The following TMEM163 variants were observed in gnomAD, a reference collection of about 807,000 sequenced individuals.
TMEM163 encodes the protein transmembrane protein 163.
A neutral mutation model predicts 29.3 loss-of-function variants in TMEM163; 17 were observed. The observed-to-expected ratio is 0.58, with a 90% CI of 0.40 to 0.87. The LOEUF (loss-of-function observed/expected upper bound fraction) is 0.87, where lower values mean the gene tolerates loss of function less well. Among genes scored for constraint, TMEM163 ranks in the 40% least tolerant of loss-of-function variants. The pLI, the probability that TMEM163 is intolerant of heterozygous loss-of-function variation, is 0.00. For missense variants in TMEM163, 303 were observed against 381.5 expected (o/e 0.79, Z 1.71); for synonymous variants, 157 against 160.6 (o/e 0.98, Z 0.17).
At chr2:134,685,216 A>C (rs895584146) in intron 2 of TMEM163, among the ~76,000 whole-genome samples, 3 of 152,236 alleles carry the variant, frequency 2.0e-5, no homozygotes, top group Admixed American at 6.5e-5. Context: ...CATCTTAAAG[A>C]TGTCTGACCC....
In TMEM163 at chr2:134,678,065, G is replaced by A. The variant is rs12624080; in HGVS notation, c.322+35135C>T. Among the ~76,000 whole-genome samples, 36 of 152,322 alleles carry A rather than the reference G, an allele frequency of 2.4e-4. No individual in the cohort carries two copies. In the East Asian group the frequency reaches 6.8e-3, roughly 29 times the overall value. On this transcript the variant is annotated intron_variant, in intron 2 of 7. Coordinates refer to ENST00000281924, the MANE Select transcript of TMEM163 (RefSeq NM_030923.5). Reference sequence around the variant, plus strand: ...TTGTCCTGGTTTCTTTCCGGTCTCAGGGAAGCAGATCGACCCTAGCTAATT... The same window carrying A: ...TTGTCCTGGTTTCTTTCCGGTCTCAAGGAAGCAGATCGACCCTAGCTAATT...
chr2:134,606,436 A>G (rs1185822354), intron 2 of TMEM163, among the ~76,000 whole-genome samples: 2 of 152,116 alleles, frequency 1.3e-5, no homozygotes, highest in African/African-American at 4.8e-5. Flanking sequence ...CCACAATCAA[A>G]GTCAAGGGCA....
chr2:134,564,321 T>C (rs1681245724), intron 2 of TMEM163, among the ~76,000 whole-genome samples: 1 of 152,170 alleles, frequency 6.6e-6, no homozygotes, highest in African/African-American at 2.4e-5. Flanking sequence ...ACTGGGCCAG[T>C]TGGACATCCA....
At chr2:134,649,188 T>A (rs989138057) in intron 2 of TMEM163, among the ~76,000 whole-genome samples, 1 of 152,162 alleles carries the variant, frequency 6.6e-6, no homozygotes, top group Non-Finnish European at 1.5e-5. Flanking sequence ...TATATAAAAT[T>A]ATCAAACTCA....
intron 5 of TMEM163, among the ~76,000 whole-genome samples, chr2:134,481,137 T>C (rs1687044204): frequency 6.6e-6 from 1 of 152,340 alleles, no homozygotes; most frequent in African/African-American, 2.4e-5. Flanking sequence ...ATCATGTTTT[T>C]GAGATTCATC....
chr2:134,661,263 T>G (rs1185882859), intron 2 of TMEM163, among the ~76,000 whole-genome samples: 3 of 152,196 alleles, frequency 2.0e-5, no homozygotes, highest in African/African-American at 7.2e-5. Flanking sequence ...CAGATGCTGG[T>G]GCCTTGATCT....
chr2:134,594,366 T>C (rs1335634479), intron 2 of TMEM163, among the ~76,000 whole-genome samples: 1 of 152,186 alleles, frequency 6.6e-6, no homozygotes, highest in Non-Finnish European at 1.5e-5. Flanking sequence ...ATGTGGACTT[T>C]ACTGTGAGTT....
Position 134,460,178 on chromosome 2 carries a change from G to A in TMEM163, c.668-2005C>T, listed in dbSNP as rs1686503439. On this transcript the variant is annotated intron_variant, in intron 6 of 7. Coordinates refer to ENST00000281924, the MANE Select transcript of TMEM163 (RefSeq NM_030923.5). The surrounding 1 kb of genome is among the most constrained non-coding windows in gnomAD (Gnocchi z 4.3). ...GCCACAGCCAGAGGGACCCTCTGTC[G>A]GTGAGCAGCAGCCAGACTCTCCCGC... Among the ~76,000 whole-genome samples, 1 of 149,282 alleles carries A rather than the reference G, an allele frequency of 6.7e-6. No individual in the cohort carries two copies. The highest frequency in any genetic ancestry group is 2.5e-5 in the African/African-American group (1 of 40,276).
chr2:134,640,808 A>G (rs1415836766), intron 2 of TMEM163, among the ~76,000 whole-genome samples: 2 of 152,236 alleles, frequency 1.3e-5, no homozygotes, highest in Non-Finnish European at 2.9e-5. Flanking sequence ...TAGAAAACTT[A>G]CACATAATAC....
At chr2:134,528,739 G>A (rs1273665715) in intron 4 of TMEM163, among the ~76,000 whole-genome samples, 3 of 142,876 alleles carry the variant, frequency 2.1e-5, no homozygotes, top group Non-Finnish European at 4.7e-5. Context: ...GGACAATTTA[G>A]TAATATGTCT....
At chr2:134,485,925 CCT>C (rs976393708) in intron 5 of TMEM163, among the ~76,000 whole-genome samples, 1 of 152,116 alleles carries the variant, frequency 6.6e-6, no homozygotes, top group Non-Finnish European at 1.5e-5. Context: ...GATACATGCC[CCT>C]CACACTGGGT....
intron 2 of TMEM163, among the ~76,000 whole-genome samples, chr2:134,661,925 C>CTTTTTTTTTTTTTTTTTTTTTTTTTTTT (rs201436466): frequency 1.3e-5 from 1 of 79,068 alleles, no homozygotes; most frequent in Non-Finnish European, 2.5e-5. Context: ...CATTAATTTT[C>CTTTTTTTTTTTTTTTTTTTTTTTTTTTT]TTTCTTTTTT....
intron 2 of TMEM163, among the ~76,000 whole-genome samples, chr2:134,560,195 T>C (rs1681137206): frequency 6.6e-6 from 1 of 152,168 alleles, no homozygotes; most frequent in Admixed American, 6.5e-5. Flanking sequence ...CACCCACCTC[T>C]AAATTTTCTT....
intron 5 of TMEM163, among the ~76,000 whole-genome samples, chr2:134,492,721 G>A (rs1466188909): frequency 6.6e-6 from 1 of 152,144 alleles, no homozygotes; most frequent in Non-Finnish European, 1.5e-5. Context: ...CTGTGTGAAT[G>A]CACCACGATT....
intron 5 of TMEM163, among the ~76,000 whole-genome samples, chr2:134,481,676 G>A (rs1342711651): frequency 6.6e-6 from 1 of 152,148 alleles, no homozygotes; most frequent in Non-Finnish European, 1.5e-5. Flanking sequence ...TTGGGCCGTT[G>A]TTGATGCAAG....
At chr2:134,552,743 C>T (rs1351658281) in intron 2 of TMEM163, among the ~76,000 whole-genome samples, 1 of 148,594 alleles carries the variant, frequency 6.7e-6, no homozygotes. Context: ...CTCACTGCAA[C>T]CTCTGCCTCC....
chr2:134,689,232 C>A (rs1311092934), intron 2 of TMEM163, among the ~76,000 whole-genome samples: 2 of 151,766 alleles, frequency 1.3e-5, no homozygotes, highest in Non-Finnish European at 2.9e-5. Context: ...TCTCAGCCTC[C>A]CAAGTAGCTG....
At chr2:134,615,651 CTTTT>C (rs35159964) in intron 2 of TMEM163, among the ~76,000 whole-genome samples, 43 of 79,158 alleles carry the variant, frequency 5.4e-4, no homozygotes, top group African/African-American at 2.2e-3. Flanking sequence ...AAGAGCAGAG[CTTTT>C]TTTTTTTTTT....
intron 2 of TMEM163, among the ~76,000 whole-genome samples, chr2:134,595,250 C>G (rs1049339923): frequency 1.3e-5 from 2 of 152,046 alleles, no homozygotes; most frequent in East Asian, 3.9e-4. Context: ...TCTCCTAATG[C>G]TATCCCTCCC....
Sources: allele counts gnomAD v4.1 joint callset (sites outside exome capture counted in the v4.1 genomes callset), GRCh38; gene constraint gnomAD v4.1.1; non-coding constraint Gnocchi (gnomAD v3.1); transcripts MANE v1.5; gene names NCBI Gene and HGNC (gene_info 2026-07-23, HGNC 2026-07-21).